The following TCERG1L variants were observed in gnomAD, a reference collection of about 807,000 sequenced individuals.
TCERG1L encodes the protein transcription elongation regulator 1-like protein.
In TCERG1L, 37 loss-of-function variants were observed where a neutral mutation model predicts 56.3. That is an observed-to-expected ratio of 0.66 (90% CI 0.51 to 0.87). TCERG1L has a LOEUF of 0.87. Ranked by LOEUF, TCERG1L falls within the 40% of genes least tolerant of loss-of-function variation. The pLI, the probability that TCERG1L is intolerant of heterozygous loss-of-function variation, is 0.00. For missense variants in TCERG1L, 799 were observed against 774.2 expected, an observed-to-expected ratio of 1.03 and a Z score of -0.38; for synonymous variants, 324 against 326.3, an observed-to-expected ratio of 0.99 and a Z score of 0.08.
chr10:131,247,855 CA>C lies in TCERG1L; in HGVS notation c.856+12403del, dbSNP rs993507683. Reference sequence around the variant, plus strand: ...TGGCCTCAATCAGATCACTCACTCACAAACACTGTAAATTCACACTGACACA... The same window carrying C: ...TGGCCTCAATCAGATCACTCACTCACAACACTGTAAATTCACACTGACACA... On this transcript the variant is annotated intron_variant, in intron 4 of 11. Transcript: ENST00000368642. Among the ~76,000 whole-genome samples the C allele has an allele frequency of 4.5e-4, 69 of 152,298 alleles. 2 individuals carry two copies. Among genetic ancestry groups the C allele is most frequent in the Admixed American group, 4.3e-3 (66 of 15,302 alleles).
At chr10:131,215,126 A>G (rs779200508) in intron 4 of TCERG1L, among the ~76,000 whole-genome samples, 6 of 152,132 alleles carry the variant, frequency 3.9e-5, no homozygotes, top group Non-Finnish European at 7.4e-5. Flanking sequence ...TTTCTACTCA[A>G]TGCCACTTTA....
chr10:131,243,248 A>T (rs1845993003), intron 4 of TCERG1L, among the ~76,000 whole-genome samples: 1 of 152,058 alleles, frequency 6.6e-6, no homozygotes, highest in African/African-American at 2.4e-5. Context: ...TGCACTGGCC[A>T]GTGAGACAGG....
chr10:131,201,754 C>A (rs560645199), intron 4 of TCERG1L, among the ~76,000 whole-genome samples: 1 of 152,170 alleles, frequency 6.6e-6, no homozygotes, highest in Non-Finnish European at 1.5e-5. Context: ...TGTCCTCATG[C>A]GTCCTTCTCT....
chr10:131,309,255 A>G lies in TCERG1L; in HGVS notation c.387T>C (p.Ser129=). ...AGACGGGCACCAGCTCCACTGTGGA[A>G]GAGGGGGGCAGTCCTAGGGACGGAG... ...GHSPSLGLPP[S]STVELVPVFP... Residue 129 remains serine (S), a synonymous_variant, in exon 2 of 12, where the codon TCT becomes TCC. Transcript: ENST00000368642. 1.9e-6 allele frequency: 3 copies of G among 1,604,558 alleles called. No individual in the cohort carries two copies. The highest frequency in any genetic ancestry group is 2.5e-6 in the Non-Finnish European group (3 of 1,176,930).
At chr10:131,223,665 C>T (rs748027150) in intron 4 of TCERG1L, among the ~76,000 whole-genome samples, 10 of 150,324 alleles carry the variant, frequency 6.7e-5, no homozygotes, top group Non-Finnish European at 1.0e-4. Flanking sequence ...CTCAGACATG[C>T]ACACACACAT....
intron 4 of TCERG1L, among the ~76,000 whole-genome samples, chr10:131,215,370 A>T (rs1845659664): frequency 6.6e-6 from 1 of 152,268 alleles, no homozygotes; most frequent in Non-Finnish European, 1.5e-5. Flanking sequence ...AACTGCTGAG[A>T]GGAAATTACC....
Position 131,260,317 on chromosome 10 carries a change from C to T in TCERG1L, c.798G>A (p.Pro266=), listed in dbSNP as rs767355246. 53 of 1,452,474 alleles carry T rather than the reference C, an allele frequency of 3.6e-5. 1 individual carries two copies. In the South Asian group the frequency reaches 5.9e-4, roughly 16 times the overall value. 90.0% of individuals were successfully genotyped at this position (1,452,474 alleles called of 1,614,324 possible). ...LRGPSPSSVQ[P]RHFLTLAPIK... Reference sequence around the variant, plus strand: ...TGGGTGCCAAGGTCAGGAAGTGGCGCGGCTGCACGCTGGAGGGGGACGGGC... The same window carrying T: ...TGGGTGCCAAGGTCAGGAAGTGGCGTGGCTGCACGCTGGAGGGGGACGGGC... The change falls in exon 4 of 12, where the codon CCG becomes CCA. Residue 266 remains proline, a synonymous_variant. Coordinates refer to ENST00000368642, the MANE Select transcript of TCERG1L (RefSeq NM_174937.4). This position sits in a 1 kb window ranked among gnomAD's most constrained non-coding sequence, Gnocchi z 5.8.
chr10:131,160,580 C>G (rs1211993172), intron 6 of TCERG1L, among the ~76,000 whole-genome samples: 4 of 152,292 alleles, frequency 2.6e-5, no homozygotes, highest in Admixed American at 2.0e-4. Flanking sequence ...CTGCTAAGTC[C>G]TCGTCCTGCA....
intron 4 of TCERG1L, among the ~76,000 whole-genome samples, chr10:131,226,573 T>A (rs1845792709): frequency 6.6e-6 from 1 of 152,226 alleles, no homozygotes; most frequent in African/African-American, 2.4e-5. Flanking sequence ...AAGCAAGCTT[T>A]CTGCTCAGCA....
intron 4 of TCERG1L, among the ~76,000 whole-genome samples, chr10:131,184,751 A>G (rs1845218029): frequency 6.6e-6 from 1 of 152,236 alleles, no homozygotes; most frequent in Non-Finnish European, 1.5e-5. Flanking sequence ...TGGCAGCAAC[A>G]GGTGCACAAG....
At chr10:131,308,484 A>T in intron 2 of TCERG1L, 93 bp from the exon 3 acceptor site, 1 of 1,065,778 alleles carries the variant, frequency 9.4e-7, no homozygotes, top group Admixed American at 2.3e-5. Flanking sequence ...CCTTACGTTG[A>T]TCCAACATTG....
At chr10:131,168,226 A>G (rs1846052182) in intron 4 of TCERG1L, among the ~76,000 whole-genome samples, 1 of 152,196 alleles carries the variant, frequency 6.6e-6, no homozygotes, top group African/African-American at 2.4e-5. Context: ...TTCAAGCTAC[A>G]CGTCTGTGCT....
intron 4 of TCERG1L, among the ~76,000 whole-genome samples, chr10:131,230,955 T>C (rs1003156362): frequency 3.3e-5 from 5 of 150,686 alleles, no homozygotes; most frequent in African/African-American, 1.2e-4. Context: ...CGTAATTGTT[T>C]AGGGACACAT....
rs542012304 is a variant in TCERG1L, at chr10:131,180,303, C to G, written c.857-13418G>C. On this transcript the variant is annotated intron_variant, in intron 4 of 11. Transcript: ENST00000368642. ...TGACAGAAGACAGGCAACGCAGGAG[C>G]GAGGCCAGCTCAGGCCCAGCCGTAG... Among the ~76,000 whole-genome samples, 3 of 152,346 alleles carry G rather than the reference C, an allele frequency of 2.0e-5. No homozygotes were observed. The East Asian group carries it at 5.8e-4, about 29-fold the overall frequency.
At chr10:131,121,357 G>C (rs1377837435) in intron 8 of TCERG1L, among the ~76,000 whole-genome samples, 3 of 152,154 alleles carry the variant, frequency 2.0e-5, no homozygotes, top group Non-Finnish European at 4.4e-5. Flanking sequence ...AAACTCTCTG[G>C]ACCTTACTCA....
intron 4 of TCERG1L, among the ~76,000 whole-genome samples, chr10:131,178,928 A>G (rs901331657): frequency 1.3e-5 from 2 of 152,260 alleles, no homozygotes; most frequent in African/African-American, 4.8e-5. Context: ...AGCCCCGCTC[A>G]CTACTCATGT....
chr10:131,283,330 TGAAACA>T (rs1846484401), intron 3 of TCERG1L, among the ~76,000 whole-genome samples: 1 of 152,226 alleles, frequency 6.6e-6, no homozygotes, highest in African/African-American at 2.4e-5. Flanking sequence ...GATTTTAGAA[TGAAACA>T]GAAGCTTTGC....
In TCERG1L at chr10:131,300,270, AG is replaced by A. The variant is rs1455273137; in HGVS notation, c.670+7940del. Among the ~76,000 whole-genome samples, 3 of 152,276 alleles carry A rather than the reference AG, an allele frequency of 2.0e-5. No homozygotes were observed. In the East Asian group the frequency reaches 5.8e-4, roughly 29 times the overall value. ...GGTTTGCTGAACTTCTTGGATTTATAGTTTCATAATGTCCATTTTTATTTCC... is the reference window on the plus strand; with the variant it reads ...GGTTTGCTGAACTTCTTGGATTTATATTTCATAATGTCCATTTTTATTTCC... On this transcript the variant is annotated intron_variant, in intron 3 of 11. Transcript: ENST00000368642.
intron 4 of TCERG1L, among the ~76,000 whole-genome samples, chr10:131,246,570 T>C (rs565191724): frequency 3.5e-4 from 53 of 152,016 alleles, no homozygotes; most frequent in Middle Eastern, 3.4e-3. Flanking sequence ...GAGGACAAGT[T>C]AGGGGCTTGT....
Sources: allele counts gnomAD v4.1 joint callset (sites outside exome capture counted in the v4.1 genomes callset), GRCh38; gene constraint gnomAD v4.1.1; non-coding constraint Gnocchi (gnomAD v3.1); transcripts MANE v1.5; gene names NCBI Gene and HGNC (gene_info 2026-07-23, HGNC 2026-07-21).